The following C18orf54 variants were observed in gnomAD, a reference collection of about 807,000 sequenced individuals.
C18orf54 encodes lung adenoma susceptibility protein 2.
C18orf54 carries 49 observed loss-of-function variants against 49.3 expected under a neutral mutation model. That is an observed-to-expected ratio of 0.99 (90% CI 0.79 to 1.26). The LOEUF is 1.26. Ranked by LOEUF, C18orf54 falls within the 50% of genes most tolerant of loss-of-function variation. The probability of loss-of-function intolerance (pLI) is 0.00; values close to 1 mark genes in which losing one functional copy is unlikely to be tolerated. For synonymous variants in C18orf54, 211 were observed against 216.6 expected (o/e 0.97, Z 0.23); for missense variants, 687 against 620.6 (o/e 1.11, Z -1.14).
intron 8 of C18orf54, among the ~76,000 whole-genome samples, chr18:54,376,878 G>T (rs1269037667): frequency 6.6e-6 from 1 of 152,160 alleles, no homozygotes; most frequent in East Asian, 1.9e-4. Context: ...CCTGGGTAAA[G>T]TGGAAGATGC....
chr18:54,361,980 G>T lies in C18orf54; in HGVS notation c.621G>T (p.Arg207Ser). Residue 207 changes from arginine to serine, a missense_variant, in exon 4 of 9, where the codon AGG becomes AGT. Physicochemically the swap from Arg to Ser is moderately radical, Grantham distance 110 (BLOSUM62 -1). Transcript: ENST00000620105. ...GRLKNPKLMN[R>S]TNNCISESSL... ...TGAAAAACCCAAAACTTATGAATAG[G>T]ACTAATAATTGCATTTCTGAATCAT... 2 of 1,613,560 alleles carry T rather than the reference G, an allele frequency of 1.2e-6. No individual in the cohort carries two copies. The highest frequency in any genetic ancestry group is 1.7e-6 in the Non-Finnish European group (2 of 1,179,816).
rs533359732 is a variant in C18orf54 at position 54,361,863 on chromosome 18, A to C, written c.504A>C (p.Pro168=). 3 of 1,614,088 alleles carry C rather than the reference A, an allele frequency of 1.9e-6. No homozygotes were observed. Among genetic ancestry groups the C allele is most frequent in the African/African-American group, 1.3e-5 (1 of 75,032 alleles). ...GTTCATTGGACATTGAGAAGAATCC[A>C]CATTTTCAAGGACCCTACACTTCCA... ...RLGSLDIEKN[P]HFQGPYTSMG... Residue 168 remains proline, a synonymous_variant, in exon 4 of 9, where the codon CCA becomes CCC. Transcript: ENST00000620105.
Position 54,360,550 on chromosome 18 carries a change from A to C in C18orf54, c.-23A>C. On this transcript the variant is annotated 5_prime_UTR_variant, in exon 3 of 9. Coordinates refer to ENST00000620105, the MANE Select transcript of C18orf54 (RefSeq NM_001288980.2). ...AGTTGTTTTTAAGGGAAATGAATAG[A>C]AACAATCCACTTTGAAGAAGCCATG... is the stretch of plus-strand genomic sequence containing the variant. 6.2e-7 allele frequency: 1 copy of C among 1,610,368 alleles called. No homozygotes were observed. The highest frequency in any genetic ancestry group is 8.5e-7 in the Non-Finnish European group (1 of 1,177,820).
chr18:54,368,104 A>G (rs1599338310), intron 6 of C18orf54, among the ~76,000 whole-genome samples: 2 of 151,950 alleles, frequency 1.3e-5, no homozygotes, highest in South Asian at 2.1e-4. Flanking sequence ...TGGTCAAATT[A>G]TCTGTCTGTG....
intron 6 of C18orf54, among the ~76,000 whole-genome samples, chr18:54,368,269 GT>G (rs1265230133): frequency 6.6e-6 from 1 of 151,840 alleles, no homozygotes; most frequent in Non-Finnish European, 1.5e-5. Flanking sequence ...TCTTGTGTTT[GT>G]TTGTTGGTAT....
At position 54,361,699 on chromosome 18, in the gene C18orf54, A is replaced by G; in HGVS notation, c.340A>G (p.Thr114Ala). Residue 114 changes from threonine to alanine, a missense_variant, in exon 4 of 9, where the codon ACC becomes GCC. Coordinates refer to ENST00000620105, the MANE Select transcript of C18orf54 (RefSeq NM_001288980.2). ...AAACTTCATATCCTGTAGAAGACAC[A>G]CCGTTAATGACATAGACTCCATGAG... ...HSNFISCRRH[T>A]VNDIDSMSLT... 6.2e-7 allele frequency: 1 copy of G among 1,613,162 alleles called. No homozygotes were observed. Among genetic ancestry groups the G allele is most frequent in the Non-Finnish European group, 8.5e-7 (1 of 1,179,720 alleles).
chr18:54,359,704 A>G (rs1741391056), intron 2 of C18orf54, among the ~76,000 whole-genome samples: 1 of 152,224 alleles, frequency 6.6e-6, no homozygotes, highest in African/African-American at 2.4e-5. Context: ...CATGGACTGA[A>G]TTAGTGCCGG....
At position 54,371,891 on chromosome 18, in the gene C18orf54, C is replaced by T. The variant is rs142368503; in HGVS notation, c.1327-575C>T. On this transcript the variant is annotated intron_variant, in intron 6 of 8. Coordinates refer to ENST00000620105, the MANE Select transcript of C18orf54 (RefSeq NM_001288980.2). ...AAAGAAATTTTAAAATATCCCTCAC[C>T]GATTATCTTAAAAGAATCCTGACCA... Among the ~76,000 whole-genome samples, 21 of 152,058 alleles carry T rather than the reference C, an allele frequency of 1.4e-4. No individual in the cohort carries two copies. The East Asian group carries it at 1.5e-3, about 11-fold the overall frequency.
At chr18:54,374,629 A>T (rs142301799) in intron 8 of C18orf54, among the ~76,000 whole-genome samples, 5 of 152,002 alleles carry the variant, frequency 3.3e-5, no homozygotes, top group African/African-American at 7.2e-5. Flanking sequence ...TCTCTAGAAT[A>T]AATTTAATAA....
chr18:54,363,490 G>A (rs759407492), intron 5 of C18orf54, among the ~76,000 whole-genome samples: 7 of 151,884 alleles, frequency 4.6e-5, no homozygotes, highest in Non-Finnish European at 1.0e-4. Flanking sequence ...GCTAATTTTT[G>A]TATTTTTAGT....
chr18:54,363,217 A>G (rs1235545901), intron 5 of C18orf54, among the ~76,000 whole-genome samples: 2 of 152,216 alleles, frequency 1.3e-5, no homozygotes, highest in Non-Finnish European at 2.9e-5. Context: ...ATTATTTTGC[A>G]GAGTAGTGTT....
chr18:54,366,264 A>G (rs1010683364), intron 6 of C18orf54, among the ~76,000 whole-genome samples: 5 of 151,784 alleles, frequency 3.3e-5, no homozygotes, highest in Non-Finnish European at 5.9e-5. Context: ...TCCTTAAACC[A>G]ATCTCTCCTT....
At chr18:54,364,810 T>C (rs981231466) in intron 5 of C18orf54, among the ~76,000 whole-genome samples, 5 of 152,020 alleles carry the variant, frequency 3.3e-5, no homozygotes, top group African/African-American at 9.7e-5. Context: ...AGCTTGTGAA[T>C]TAGAAATCAA....
chr18:54,379,345 C>T lies in C18orf54; in HGVS notation c.*1099C>T, dbSNP rs946989752. The T allele has an allele frequency of 1.3e-5, 2 of 152,044 alleles. No homozygotes were observed. The highest frequency in any genetic ancestry group is 2.9e-5 in the Non-Finnish European group (2 of 67,948). The allele number at this position is 152,044 out of a possible 1,614,324, so 9.4% of individuals were successfully genotyped here. On this transcript the variant is annotated 3_prime_UTR_variant, in exon 9 of 9. Coordinates refer to ENST00000620105, the MANE Select transcript of C18orf54 (RefSeq NM_001288980.2). ...TATGTATAACTACTACAGGTTAACA[C>T]TTCACCCAAATGATAGCGTTTTTCC...
intron 8 of C18orf54, among the ~76,000 whole-genome samples, chr18:54,374,672 A>G (rs1267984362): frequency 6.6e-6 from 1 of 151,918 alleles, no homozygotes; most frequent in East Asian, 1.9e-4. Context: ...ATCATTACAG[A>G]AATCTAAAGT....
In C18orf54 at chr18:54,357,930, G is replaced by T. The variant is rs956524725; in HGVS notation, c.-289G>T. On this transcript the variant is annotated 5_prime_UTR_variant, in exon 1 of 9. An upstream open reading frame in the 5' UTR gains an earlier in-frame stop. Transcript: ENST00000620105. Reference sequence around the variant, plus strand: ...CGCCATGTTGGGGCGGTTTGAAAGCGAGCGCGGGTGTCGAGCTCTGCTGTG... The same window carrying T: ...CGCCATGTTGGGGCGGTTTGAAAGCTAGCGCGGGTGTCGAGCTCTGCTGTG... 6.6e-6 allele frequency: 1 copy of T among 152,312 alleles called. No individual in the cohort carries two copies. Among genetic ancestry groups the T allele is most frequent in the South Asian group, 2.1e-4 (1 of 4,840 alleles). The allele number at this position is 152,312 out of a possible 1,614,324, so 9.4% of individuals were successfully genotyped here. A position where few individuals can be genotyped will look rare whatever the true frequency, so the allele number is the denominator to read the frequency against.
In C18orf54 at chr18:54,380,299, A is replaced by G. The variant is rs960832359; in HGVS notation, c.*2053A>G. The G allele has an allele frequency of 2.0e-5, 3 of 152,100 alleles. No individual in the cohort carries two copies. Among genetic ancestry groups the G allele is most frequent in the Admixed American group, 1.3e-4 (2 of 15,276 alleles). 9.4% of individuals were successfully genotyped at this position (152,100 alleles called of 1,614,324 possible). ...TTGAGAATTTAAAACAAATGAGAAC[A>G]TAAGATTTTTAAAATTGCATTGTGA... On this transcript the variant is annotated 3_prime_UTR_variant, in exon 9 of 9. Transcript: ENST00000620105.
rs144173544 is a variant in C18orf54 at position 54,362,918 on chromosome 18, C to T, written c.1220C>T (p.Thr407Ile). 1.0e-5 allele frequency: 16 copies of T among 1,588,794 alleles called. No individual in the cohort carries two copies. Among genetic ancestry groups the T allele is most frequent in the African/African-American group, 1.4e-5 (1 of 73,466 alleles). Residue 407 changes from threonine (T) to isoleucine (I), a missense_variant, in exon 5 of 9, where the codon ACT (threonine) becomes ATT (isoleucine). By Grantham distance (89) the Thr-to-Ile change is moderately conservative. Coordinates refer to ENST00000620105, the MANE Select transcript of C18orf54 (RefSeq NM_001288980.2). ...AGATCATGGGAAAATATTCCTGTTA[C>T]TTTGTAAGTAAGTGGCAATGGAAAA... is the stretch of plus-strand genomic sequence containing the variant. ...ADRSWENIPVTFKSPVPVNSD... is the reference protein window; with the variant it reads ...ADRSWENIPVIFKSPVPVNSD...
At chr18:54,365,677 G>A (rs370707130) in intron 5 of C18orf54, 42 bp from the exon 6 acceptor site, 1 of 1,159,262 alleles carries the variant, frequency 8.6e-7, no homozygotes, top group African/African-American at 1.5e-5. Context: ...TTTAGAAATT[G>A]GGAACTTAAT....
Sources: gnomAD v4.1 joint callset for allele counts (sites outside exome capture counted in the v4.1 genomes callset) on GRCh38, gnomAD v4.1.1 for gene constraint, MANE v1.5 for transcripts, NCBI Gene and HGNC (gene_info 2026-07-23, HGNC 2026-07-21) for gene names.